The following AIG1 variants were observed in gnomAD, a reference collection of about 807,000 sequenced individuals.
AIG1 encodes the protein androgen induced 1.
Under a neutral mutation model 31.4 loss-of-function variants are expected in AIG1, and 23 were observed. The observed-to-expected ratio is 0.73, with a 90% CI of 0.53 to 1.04. The LOEUF is 1.04. Ranked by LOEUF, AIG1 falls within the 50% of genes least tolerant of loss-of-function variation. AIG1 has a pLI of 0.00. For missense variants in AIG1, 274 were observed against 295.0 expected (o/e 0.93, Z 0.52); for synonymous variants, 100 against 110.5 (o/e 0.90, Z 0.60).
chr6:143,096,501 G>C (rs1424889336), intron 1 of AIG1, among the ~76,000 whole-genome samples: 2 of 152,192 alleles, frequency 1.3e-5, no homozygotes, highest in East Asian at 1.9e-4. Flanking sequence ...GAGTGACTAA[G>C]TTATTTTAAA....
At chr6:143,116,707 G>C (rs1781771037) in intron 1 of AIG1, among the ~76,000 whole-genome samples, 1 of 150,182 alleles carries the variant, frequency 6.7e-6, no homozygotes, top group Non-Finnish European at 1.5e-5. Flanking sequence ...TTTTATTGGG[G>C]AACTTTCATA....
At chr6:143,082,556 A>T (rs1267120901) in intron 1 of AIG1, among the ~76,000 whole-genome samples, 1 of 152,210 alleles carries the variant, frequency 6.6e-6, no homozygotes, top group Non-Finnish European at 1.5e-5. Flanking sequence ...AGCAGTGAGT[A>T]TGCTGTTCAC....
chr6:143,305,812 G>A (rs923363419), intron 4 of AIG1, among the ~76,000 whole-genome samples: 4 of 151,402 alleles, frequency 2.6e-5, no homozygotes, highest in African/African-American at 7.3e-5. Context: ...TCTGTCTAAT[G>A]TTGACAGTGG....
In AIG1 at chr6:143,329,525, C is replaced by T. The variant is rs1214295100; in HGVS notation, c.516-3757C>T. ...TATACCCTATAAGCTCTGATTCATA[C>T]AATAGTACGATGAGAATGCCATGCT... On this transcript the variant is annotated intron_variant, in intron 4 of 5. Coordinates refer to ENST00000357847, the MANE Select transcript of AIG1 (RefSeq NM_016108.4). This position sits in a 1 kb window ranked among gnomAD's most constrained non-coding sequence, Gnocchi z 4.9. Among the ~76,000 whole-genome samples the T allele has an allele frequency of 6.6e-6, 1 of 152,152 alleles. No homozygotes were observed.
At chr6:143,078,937 TG>T (rs1777968716) in intron 1 of AIG1, among the ~76,000 whole-genome samples, 1 of 152,214 alleles carries the variant, frequency 6.6e-6, no homozygotes, top group East Asian at 1.9e-4. Context: ...CTCTTCTTTT[TG>T]TGATTTCTTT....
At chr6:143,116,021 G>A (rs1213262434) in intron 1 of AIG1, among the ~76,000 whole-genome samples, 2 of 152,186 alleles carry the variant, frequency 1.3e-5, no homozygotes, top group African/African-American at 2.4e-5. Context: ...TGGTGATACA[G>A]GAATGAATAA....
chr6:143,202,597 T>G (rs1790786886), intron 3 of AIG1, among the ~76,000 whole-genome samples: 1 of 152,188 alleles, frequency 6.6e-6, no homozygotes. Flanking sequence ...AGAAGCTTCT[T>G]GTCCCAAAAG....
At chr6:143,281,170 G>A (rs1797317264) in intron 3 of AIG1, among the ~76,000 whole-genome samples, 1 of 152,198 alleles carries the variant, frequency 6.6e-6, no homozygotes, top group East Asian at 1.9e-4. Context: ...GAGGCATACA[G>A]AACTAGTTTT....
chr6:143,148,359 A>T (rs964045646), intron 2 of AIG1, among the ~76,000 whole-genome samples: 8 of 148,388 alleles, frequency 5.4e-5, no homozygotes, highest in African/African-American at 2.0e-4. Context: ...AAAAAAAAAA[A>T]TTAGCTAAGT....
intron 1 of AIG1, among the ~76,000 whole-genome samples, chr6:143,136,120 G>A (rs1020813165): frequency 1.3e-5 from 2 of 152,044 alleles, no homozygotes; most frequent in African/African-American, 4.8e-5. Flanking sequence ...TTTTGGGGGG[G>A]CGGTTAGAGA....
chr6:143,187,899 G>A, intron 3 of AIG1: 4 of 1,367,072 alleles, frequency 2.9e-6, no homozygotes, highest in South Asian at 3.7e-5. Flanking sequence ...CCTTAATTTG[G>A]TGTTGGATGA....
chr6:143,222,420 C>G (rs567565982), intron 3 of AIG1, among the ~76,000 whole-genome samples: 3 of 151,700 alleles, frequency 2.0e-5, no homozygotes, highest in Admixed American at 2.0e-4. Flanking sequence ...TGTTTTATGT[C>G]AATTCGTTCT....
intron 4 of AIG1, among the ~76,000 whole-genome samples, chr6:143,320,731 A>G (rs1036395007): frequency 6.6e-6 from 1 of 152,098 alleles, no homozygotes; most frequent in African/African-American, 2.4e-5. Flanking sequence ...TTTCAGTTAT[A>G]CAAGCTAAGT....
At chr6:143,207,268 G>A (rs1791187088) in intron 3 of AIG1, among the ~76,000 whole-genome samples, 1 of 151,910 alleles carries the variant, frequency 6.6e-6, no homozygotes, top group African/African-American at 2.4e-5. Flanking sequence ...CAGTCCTCTT[G>A]TGTTTTTCTG....
intron 3 of AIG1, among the ~76,000 whole-genome samples, chr6:143,259,745 A>G (rs1452916111): frequency 6.6e-6 from 1 of 152,182 alleles, no homozygotes; most frequent in African/African-American, 2.4e-5. Flanking sequence ...CCAGAAACCC[A>G]AAGGGAAGTC....
At chr6:143,294,793 G>A (rs537152690) in intron 4 of AIG1, among the ~76,000 whole-genome samples, 184 of 152,200 alleles carry the variant, frequency 1.2e-3, no homozygotes, top group African/African-American at 4.3e-3. Flanking sequence ...TTTAGGTGTT[G>A]TAACCATTTA....
intron 1 of AIG1, among the ~76,000 whole-genome samples, chr6:143,121,058 T>C (rs1782198361): frequency 6.6e-6 from 1 of 152,244 alleles, no homozygotes; most frequent in Admixed American, 6.5e-5. Context: ...TTGTTTCCCA[T>C]AAGGAATACT....
intron 3 of AIG1, among the ~76,000 whole-genome samples, chr6:143,192,498 G>A (rs186991913): frequency 1.3e-5 from 2 of 152,096 alleles, no homozygotes; most frequent in African/African-American, 2.4e-5. Flanking sequence ...CCAGCTTCTC[G>A]GGAGGCTGAT....
intron 3 of AIG1, among the ~76,000 whole-genome samples, chr6:143,223,223 G>C (rs181422819): frequency 5.3e-5 from 8 of 152,292 alleles, no homozygotes; most frequent in Non-Finnish European, 7.4e-5. Context: ...ACTGGCAACT[G>C]GTTAGAGATG....
Sources: gnomAD v4.1 joint callset for allele counts (sites outside exome capture counted in the v4.1 genomes callset) on GRCh38, gnomAD v4.1.1 for gene constraint, Gnocchi (gnomAD v3.1) non-coding constraint, MANE v1.5 for transcripts, NCBI Gene and HGNC (gene_info 2026-07-23, HGNC 2026-07-21) for gene names.